SBF2: variants seen among roughly 807,000 people sequenced by gnomAD.
SBF2 encodes myotubularin-related protein 13.
In SBF2, 112 loss-of-function variants were observed where a neutral mutation model predicts 225.2. The observed-to-expected ratio is 0.50, with a 90% CI of 0.43 to 0.58. SBF2 has a LOEUF of 0.58. SBF2 is among the 20% of genes least tolerant of loss of function. The pLI is 0.00. For missense variants in SBF2, 1,996 were observed against 2,206.2 expected (o/e 0.90, Z 1.91); for synonymous variants, 763 against 773.3 (o/e 0.99, Z 0.22).
At chr11:10,273,103 G>A (rs904501521) in intron 1 of SBF2, among the ~76,000 whole-genome samples, 10 of 151,750 alleles carry the variant, frequency 6.6e-5, no homozygotes, top group African/African-American at 9.7e-5. Context: ...ATAAATAAAT[G>A]AATAAATAAA....
At chr11:9,906,479 T>C (rs893710583) in intron 16 of SBF2, among the ~76,000 whole-genome samples, 2 of 152,240 alleles carry the variant, frequency 1.3e-5, no homozygotes, top group East Asian at 1.9e-4. Flanking sequence ...CTATTTATTA[T>C]CTTACAAAAT....
Position 9,973,143 on chromosome 11 carries a change from A to G in SBF2, c.1396-4598T>C, listed in dbSNP as rs140895946. ...ACCTTGAACCTAACTTGGTCGCGAA[A>G]TGACTTTTGAGAAGACAATAGCAAT... On this transcript the variant is annotated intron_variant, in intron 13 of 39. Coordinates refer to ENST00000256190, the MANE Select transcript of SBF2 (RefSeq NM_030962.4). Among the ~76,000 whole-genome samples, 197 of 152,338 alleles carry G rather than the reference A, an allele frequency of 1.3e-3. 1 individual carries two copies. Among genetic ancestry groups the G allele is most frequent in the African/African-American group, 4.5e-3 (187 of 41,582 alleles).
chr11:9,973,078 C>T (rs977092937), intron 13 of SBF2, among the ~76,000 whole-genome samples: 6 of 152,190 alleles, frequency 3.9e-5, no homozygotes, highest in African/African-American at 1.2e-4. Flanking sequence ...CTGCTGCCCT[C>T]TAACGGGCAG....
chr11:10,128,140 G>T (rs959674589), intron 2 of SBF2, among the ~76,000 whole-genome samples: 5 of 152,138 alleles, frequency 3.3e-5, no homozygotes, highest in Non-Finnish European at 7.4e-5. Context: ...ACTCGATTTT[G>T]GTGACTCTAC....
chr11:10,140,146 G>A (rs1954571654), intron 2 of SBF2, among the ~76,000 whole-genome samples: 1 of 152,118 alleles, frequency 6.6e-6, no homozygotes, highest in African/African-American at 2.4e-5. Flanking sequence ...ACCATCTTTT[G>A]TTTTAATATT....
intron 16 of SBF2, chr11:9,959,958 G>C: frequency 3.3e-6 from 1 of 302,110 alleles, no homozygotes; most frequent in Non-Finnish European, 6.5e-6. Context: ...AAGTTAGGTT[G>C]TCTTTTTGAA....
chr11:9,823,439 A>G (rs1307035484), intron 28 of SBF2, among the ~76,000 whole-genome samples: 1 of 152,034 alleles, frequency 6.6e-6, no homozygotes, highest in East Asian at 1.9e-4. Context: ...GAAAAGAATG[A>G]AAAAAATTGT....
intron 2 of SBF2, among the ~76,000 whole-genome samples, chr11:10,118,781 A>C (rs958115729): frequency 6.6e-6 from 1 of 152,064 alleles, no homozygotes; most frequent in African/African-American, 2.4e-5. Flanking sequence ...GCAATTTAGT[A>C]AGAACATTAG....
chr11:9,899,338 T>TTA (rs533781361), intron 16 of SBF2, among the ~76,000 whole-genome samples: 152 of 138,260 alleles, frequency 1.1e-3, no homozygotes, highest in African/African-American at 3.7e-3. Flanking sequence ...TACAAAAAAT[T>TTA]AAAAAAAAAA....
intron 6 of SBF2, among the ~76,000 whole-genome samples, chr11:10,022,057 T>C (rs1289606582): frequency 6.6e-6 from 1 of 152,232 alleles, no homozygotes; most frequent in African/African-American, 2.4e-5. Context: ...TTATTATGTA[T>C]TCCGGCACAC....
intron 13 of SBF2, among the ~76,000 whole-genome samples, chr11:9,970,194 C>T (rs1173747719): frequency 6.6e-6 from 1 of 151,894 alleles, no homozygotes; most frequent in African/African-American, 2.4e-5. Flanking sequence ...AAACTCAATA[C>T]TATCCCATAT....
intron 2 of SBF2, among the ~76,000 whole-genome samples, chr11:10,053,804 C>G (rs1950149891): frequency 1.3e-5 from 2 of 151,100 alleles, no homozygotes; most frequent in Non-Finnish European, 2.9e-5. Context: ...CCTGTAGTAC[C>G]AACTACTCAG....
chr11:10,079,813 G>C (rs1951286409), intron 2 of SBF2, among the ~76,000 whole-genome samples: 1 of 151,956 alleles, frequency 6.6e-6, no homozygotes, highest in African/African-American at 2.4e-5. Flanking sequence ...AACATTAAGA[G>C]GGGAAAAAAA....
At chr11:10,173,289 G>A (rs13377400) in intron 2 of SBF2, among the ~76,000 whole-genome samples, 3,307 of 152,294 alleles carry the variant, frequency 0.022, 93 homozygotes, top group African/African-American at 0.066. Context: ...GTGGGCACAG[G>A]TCAGTGGGTG....
chr11:9,802,696 T>C (rs1055125669), intron 32 of SBF2, among the ~76,000 whole-genome samples: 1 of 152,192 alleles, frequency 6.6e-6, no homozygotes, highest in African/African-American at 2.4e-5. Context: ...TGAAAGGCAT[T>C]CAAAGAAGGC....
At chr11:9,830,780 A>C (rs1323376525) in intron 27 of SBF2, among the ~76,000 whole-genome samples, 4 of 151,782 alleles carry the variant, frequency 2.6e-5, no homozygotes, top group Admixed American at 6.6e-5. Flanking sequence ...CAAAACAAAA[A>C]ACAAAAAACA....
chr11:9,990,217 A>C (rs976866674), intron 12 of SBF2, among the ~76,000 whole-genome samples: 15 of 152,190 alleles, frequency 9.9e-5, no homozygotes, highest in Non-Finnish European at 2.9e-5. Flanking sequence ...GACAAAAATA[A>C]AAAGGTACAA....
intron 32 of SBF2, among the ~76,000 whole-genome samples, chr11:9,800,173 G>C (rs1195684623): frequency 2.6e-5 from 4 of 152,148 alleles, no homozygotes; most frequent in African/African-American, 9.6e-5. Flanking sequence ...GGGAGGCAGG[G>C]TTGCAGTGAG....
At chr11:10,103,173 G>T (rs1952385557) in intron 2 of SBF2, among the ~76,000 whole-genome samples, 1 of 152,094 alleles carries the variant, frequency 6.6e-6, no homozygotes, top group Non-Finnish European at 1.5e-5. Flanking sequence ...CCAAATGAAT[G>T]AATTATGATG....
Sources: allele counts gnomAD v4.1 joint callset (sites outside exome capture counted in the v4.1 genomes callset), GRCh38; gene constraint gnomAD v4.1.1; transcripts MANE v1.5; gene names NCBI Gene and HGNC (gene_info 2026-07-23, HGNC 2026-07-21).